Variants in SCAF4 observed in about 807,000 individuals in gnomAD.
SCAF4 encodes SR-related and CTD-associated factor 4.
SCAF4 carries 25 observed loss-of-function variants against 129.8 expected under a neutral mutation model. The observed-to-expected ratio is 0.19, with a 90% CI of 0.14 to 0.27. The LOEUF (loss-of-function observed/expected upper bound fraction) is 0.27, where lower values mean the gene tolerates loss of function less well. SCAF4 is among the 10% of genes least tolerant of loss of function. The pLI is 1.00. For synonymous variants in SCAF4, 551 were observed against 497.7 expected (o/e 1.11, Z -1.43); for missense variants, 1,246 against 1,457.1 (o/e 0.86, Z 2.36).
intron 1 of SCAF4, among the ~76,000 whole-genome samples, chr21:31,731,120 ACCCT>A (rs2051342808): frequency 6.6e-6 from 1 of 152,090 alleles, no homozygotes; most frequent in Non-Finnish European, 1.5e-5. Flanking sequence ...GGGGATGAAC[ACCCT>A]CTTCAACTCC....
At position 31,702,034 on chromosome 21, in the gene SCAF4, G is replaced by C. The variant is rs553665345; in HGVS notation, c.458-116C>G. 30 of 1,345,144 alleles carry C rather than the reference G, an allele frequency of 2.2e-5. No individual in the cohort carries two copies. The South Asian group carries it at 3.9e-4, about 17-fold the overall frequency. 83.3% of individuals were successfully genotyped at this position (1,345,144 alleles called of 1,614,324 possible). Reference sequence around the variant, plus strand: ...AATTTAACAAAGTATAAAATATAGAGATTGTGGCACTAGAGTTTATACTGT... The same window carrying C: ...AATTTAACAAAGTATAAAATATAGACATTGTGGCACTAGAGTTTATACTGT... On this transcript the variant is annotated intron_variant, in intron 5 of 19. Coordinates refer to ENST00000286835, the MANE Select transcript of SCAF4 (RefSeq NM_020706.2).
At chr21:31,702,178 ACT>A in intron 5 of SCAF4, 64 bp downstream of exon 5, 3 of 1,601,594 alleles carry the variant, frequency 1.9e-6, no homozygotes, top group South Asian at 1.1e-5. Flanking sequence ...ATACACATAA[ACT>A]CTGACTGTTT....
intron 19 of SCAF4, among the ~76,000 whole-genome samples, chr21:31,681,685 T>C (rs1412147329): frequency 6.6e-6 from 1 of 152,240 alleles, no homozygotes; most frequent in Non-Finnish European, 1.5e-5. Context: ...CAAGTAATTT[T>C]ATATTTTCAG....
At chr21:31,699,704 G>A (rs1195570516) in intron 7 of SCAF4, among the ~76,000 whole-genome samples, 1 of 152,158 alleles carries the variant, frequency 6.6e-6, no homozygotes, top group African/African-American at 2.4e-5. Context: ...ATATTTTAAA[G>A]ATGATGAAAC....
chr21:31,680,738 T>C (rs1285360555), intron 19 of SCAF4, among the ~76,000 whole-genome samples: 1 of 152,218 alleles, frequency 6.6e-6, no homozygotes, highest in Non-Finnish European at 1.5e-5. Flanking sequence ...GCATTACTAG[T>C]AGACTGGTGC....
At chr21:31,706,581 G>A (rs2050669352) in intron 1 of SCAF4, 2 of 515,018 alleles carry the variant, frequency 3.9e-6, no homozygotes, top group African/African-American at 1.9e-5. Flanking sequence ...CTCTGCCAAA[G>A]GGGTGGCGAA....
chr21:31,731,975 GCGCTCTGCGT>G lies in SCAF4; in HGVS notation c.-293_-284del, dbSNP rs1230109031. ...ACATGTCCGTTTGGTGGTGGCGGCT[GCGCTCTGCGT>G]CTCGCTGACACGGCCCCCCGCGCCC... is the stretch of plus-strand genomic sequence containing the variant. On this transcript the variant is annotated 5_prime_UTR_variant, in exon 1 of 20. Transcript: ENST00000286835. 1 of 475,618 alleles carries G rather than the reference GCGCTCTGCGT, an allele frequency of 2.1e-6. No homozygotes were observed. The highest frequency in any genetic ancestry group is 3.6e-6 in the Non-Finnish European group (1 of 274,746). The allele number at this position is 475,618 out of a possible 1,614,324, so 29.5% of individuals were successfully genotyped here. A position where few individuals can be genotyped will look rare whatever the true frequency, so the allele number is the denominator to read the frequency against.
At chr21:31,696,825 G>T in intron 7 of SCAF4, 75 bp from the exon 8 acceptor site, 3 of 1,266,516 alleles carry the variant, frequency 2.4e-6, no homozygotes, top group Non-Finnish European at 3.3e-6. Context: ...TGAAAACAAG[G>T]GATGTTTACC....
intron 1 of SCAF4, among the ~76,000 whole-genome samples, chr21:31,722,154 C>G (rs1027533431): frequency 6.6e-6 from 1 of 152,142 alleles, no homozygotes; most frequent in Non-Finnish European, 1.5e-5. Context: ...CAAATCTGCA[C>G]ATTTTTATTA....
At chr21:31,680,467 A>G (rs1445654983) in intron 19 of SCAF4, among the ~76,000 whole-genome samples, 1 of 152,236 alleles carries the variant, frequency 6.6e-6, no homozygotes, top group Admixed American at 6.5e-5. Context: ...TAATACAATA[A>G]TTAGAGTACC....
intron 1 of SCAF4, among the ~76,000 whole-genome samples, chr21:31,709,131 A>G (rs2050737687): frequency 6.6e-6 from 1 of 152,126 alleles, no homozygotes; most frequent in Non-Finnish European, 1.5e-5. Flanking sequence ...CCTTCTCCTC[A>G]TTTCCTGAAA....
chr21:31,674,005 GCATCTTATTATAA>G (rs1229032198), intron 19 of SCAF4, among the ~76,000 whole-genome samples: 4 of 152,332 alleles, frequency 2.6e-5, no homozygotes, highest in Admixed American at 1.3e-4. Flanking sequence ...CAGTTTCAAA[GCATCTTATTATAA>G]CAAGAGAATT....
At chr21:31,723,588 A>G (rs1159970691) in intron 1 of SCAF4, among the ~76,000 whole-genome samples, 1 of 149,218 alleles carries the variant, frequency 6.7e-6, no homozygotes, top group African/African-American at 2.6e-5. Flanking sequence ...ATGCAATTTA[A>G]AAGTCTGGTA....
intron 3 of SCAF4, among the ~76,000 whole-genome samples, chr21:31,704,327 A>G (rs1368548469): frequency 6.6e-6 from 1 of 152,160 alleles, no homozygotes; most frequent in Non-Finnish European, 1.5e-5. Context: ...ATCAATTTTA[A>G]TTCTATTACA....
rs1433319421 is a variant in SCAF4, at chr21:31,672,042, G to A, written c.2801C>T (p.Pro934Leu). ...CTGTTGCCTTCCGTCTCTGTCTTCA[G>A]GACCCCCTGGGCCTGGCCCTGGGCC... ...LGGPGPGPGG[P>L]EDRDGRQQPP... Residue 934 changes from proline (P) to leucine (L), a missense_variant, in exon 20 of 20, where the codon CCT becomes CTT. Around this residue, in one of 6 missense-constraint regions of SCAF4, gnomAD observed 339 missense variants for 325.0 expected, o/e 1.04. Transcript: ENST00000286835. 1 of 1,613,410 alleles carries A rather than the reference G, an allele frequency of 6.2e-7. No homozygotes were observed. Among genetic ancestry groups the A allele is most frequent in the South Asian group, 1.1e-5 (1 of 91,078 alleles).
chr21:31,690,957 T>C lies in SCAF4; in HGVS notation c.1729-4A>G, dbSNP rs768283724. On this transcript the variant is annotated splice_polypyrimidine_tract_variant and splice_region_variant and intron_variant, in intron 14 of 19. Transcript: ENST00000286835. ...CTTTGTTTAAGGCCCAGGCAATCTATTTCACCATTAGTGAAAATATAAAAA... is the reference window on the plus strand; with the variant it reads ...CTTTGTTTAAGGCCCAGGCAATCTACTTCACCATTAGTGAAAATATAAAAA... 5.6e-6 allele frequency: 9 copies of C among 1,600,382 alleles called. No homozygotes were observed. Among genetic ancestry groups the C allele is most frequent in the Non-Finnish European group, 6.8e-6 (8 of 1,174,520 alleles).
intron 1 of SCAF4, among the ~76,000 whole-genome samples, chr21:31,725,329 C>T (rs1218224067): frequency 6.6e-6 from 1 of 152,072 alleles, no homozygotes; most frequent in Non-Finnish European, 1.5e-5. Context: ...AGACAATCAT[C>T]CCTAGTAATC....
Position 31,705,406 on chromosome 21 carries a change from T to C in SCAF4, c.159+17A>G. On this transcript the variant is annotated intron_variant, in intron 3 of 19. Coordinates refer to ENST00000286835, the MANE Select transcript of SCAF4 (RefSeq NM_020706.2). The stretch of plus-strand genomic sequence containing the variant: ...TCATATTGTAACTAAAATGAGGTTA[T>C]AATGAGAGATAGTTACCTTTTTGAT... 9.1e-7 allele frequency: 1 copy of C among 1,098,102 alleles called. No individual in the cohort carries two copies. Among genetic ancestry groups the C allele is most frequent in the South Asian group, 1.5e-5 (1 of 66,320 alleles). 68.0% of individuals were successfully genotyped at this position (1,098,102 alleles called of 1,614,324 possible). A position where few individuals can be genotyped will look rare whatever the true frequency, so the allele number is the denominator to read the frequency against.
At chr21:31,704,917 T>C (rs552520520) in intron 3 of SCAF4, among the ~76,000 whole-genome samples, 53 of 152,326 alleles carry the variant, frequency 3.5e-4, no homozygotes, top group African/African-American at 1.3e-3. Flanking sequence ...TAGTAGGTAC[T>C]ACATGTCACA....
Sources: allele counts gnomAD v4.1 joint callset (sites outside exome capture counted in the v4.1 genomes callset), GRCh38; gene constraint gnomAD v4.1.1; regional missense constraint gnomAD v4.1.1; transcripts MANE v1.5; gene names NCBI Gene and HGNC (gene_info 2026-07-23, HGNC 2026-07-21).